The following SYT16 variants were observed in gnomAD, a reference collection of about 807,000 sequenced individuals.
SYT16 encodes the protein synaptotagmin 16.
Under a neutral mutation model 61.4 loss-of-function variants are expected in SYT16, and 42 were observed. The ratio of observed to expected loss-of-function variants is 0.68; its 90% CI spans 0.53 to 0.89. SYT16 has a LOEUF of 0.89. Among genes scored for constraint, SYT16 ranks in the 40% least tolerant of loss-of-function variants. SYT16 has a pLI of 0.00. For missense variants in SYT16, 804 were observed against 807.3 expected, an observed-to-expected ratio of 1.00 and a Z score of 0.05; for synonymous variants, 314 against 302.3, an observed-to-expected ratio of 1.04 and a Z score of -0.40.
chr14:62,035,843 A>T (rs1036888724), intron 3 of SYT16, among the ~76,000 whole-genome samples: 3 of 152,194 alleles, frequency 2.0e-5, no homozygotes, highest in African/African-American at 7.2e-5. Flanking sequence ...ATGGTGATAG[A>T]TGCTTTTCCA....
chr14:61,964,952 T>A (rs1195910701), intron 1 of SYT16, among the ~76,000 whole-genome samples: 1 of 152,152 alleles, frequency 6.6e-6, no homozygotes, highest in Non-Finnish European at 1.5e-5. Context: ...CATGGTTTTT[T>A]AAAGATATCC....
In SYT16 at chr14:62,080,899, C is replaced by T; in HGVS notation, c.1059C>T (p.Asp353=). The T allele has an allele frequency of 6.2e-7, 1 of 1,605,018 alleles. No individual in the cohort carries two copies. ...CAGAGCCCATCTCAAAGTGTGGTGA[C>T]CTAGATGTCATCTTTGAATATAGAG... ...GVSEPISKCG[D]LDVIFEYRAA... The change falls in exon 6 of 8, where the codon GAC becomes GAT. Residue 353 remains aspartate, a synonymous_variant. Coordinates refer to ENST00000683842, the MANE Select transcript of SYT16 (RefSeq NM_001367656.1).
intron 3 of SYT16, among the ~76,000 whole-genome samples, chr14:62,018,815 A>G (rs1012363247): frequency 6.6e-6 from 1 of 151,768 alleles, no homozygotes; most frequent in Admixed American, 6.6e-5. Context: ...TCCCCTTTCC[A>G]TGCCTTATGT....
Position 62,102,032 on chromosome 14 carries a change from G to C in SYT16, c.*1325G>C, listed in dbSNP as rs1258803035. ...ATTAATAAAAAAATAGGGAAAGAAT[G>C]TATGTACATTTAATCCCTGCGCTCA... On this transcript the variant is annotated 3_prime_UTR_variant, in exon 8 of 8. Coordinates refer to ENST00000683842, the MANE Select transcript of SYT16 (RefSeq NM_001367656.1). The C allele has an allele frequency of 1.3e-5, 2 of 152,214 alleles. No homozygotes were observed. Among genetic ancestry groups the C allele is most frequent in the Non-Finnish European group, 2.9e-5 (2 of 68,022 alleles). 9.4% of individuals were successfully genotyped at this position (152,214 alleles called of 1,614,324 possible).
intron 3 of SYT16, among the ~76,000 whole-genome samples, chr14:62,032,025 G>A (rs763059623): frequency 1.3e-5 from 2 of 152,158 alleles, no homozygotes; most frequent in Admixed American, 6.6e-5. Flanking sequence ...ATGGAGTACA[G>A]AATATCAGGT....
chr14:61,872,670 A>G (rs1055258216), intron 1 of SYT16, among the ~76,000 whole-genome samples: 1 of 152,174 alleles, frequency 6.6e-6, no homozygotes, highest in Non-Finnish European at 1.5e-5. Context: ...AACTGAGTAG[A>G]AAGGTGTTGG....
At chr14:61,830,154 G>C (rs1266408564) in intron 1 of SYT16, among the ~76,000 whole-genome samples, 2 of 152,102 alleles carry the variant, frequency 1.3e-5, no homozygotes, top group African/African-American at 4.8e-5. Flanking sequence ...ATAATTTCTT[G>C]GAGCATTTTT....
chr14:62,018,939 G>A (rs1173231233), intron 3 of SYT16, among the ~76,000 whole-genome samples: 1 of 152,178 alleles, frequency 6.6e-6, no homozygotes, highest in Non-Finnish European at 1.5e-5. Context: ...ATCTGCGCTT[G>A]CCTCATGGTG....
In SYT16 at chr14:62,102,885, G is replaced by A. The variant is rs947496118; in HGVS notation, c.*2178G>A. 3.9e-5 allele frequency: 6 copies of A among 152,116 alleles called. No individual in the cohort carries two copies. Among genetic ancestry groups the A allele is most frequent in the Admixed American group, 2.0e-4 (3 of 15,272 alleles). 9.4% of individuals were successfully genotyped at this position (152,116 alleles called of 1,614,324 possible). A position where few individuals can be genotyped will look rare whatever the true frequency, so the allele number is the denominator to read the frequency against. ...TAAGGTTTTCGGCTGGTGTAGTGAAGATATTTGTGTGCTTGATCTGCCTTC... is the reference window on the plus strand; with the variant it reads ...TAAGGTTTTCGGCTGGTGTAGTGAAAATATTTGTGTGCTTGATCTGCCTTC... On this transcript the variant is annotated 3_prime_UTR_variant, in exon 8 of 8. Coordinates refer to ENST00000683842, the MANE Select transcript of SYT16 (RefSeq NM_001367656.1).
In SYT16 at chr14:62,011,912, T is replaced by C. The variant is rs368628457; in HGVS notation, c.523+15370T>C. Reference sequence around the variant, plus strand: ...ACACACACACACACACACATATATATACACACACACACACATATATATATA... The same window carrying C: ...ACACACACACACACACACATATATACACACACACACACACATATATATATA... On this transcript the variant is annotated intron_variant, in intron 3 of 7. Coordinates refer to ENST00000683842, the MANE Select transcript of SYT16 (RefSeq NM_001367656.1). Among the ~76,000 whole-genome samples the C allele has an allele frequency of 3.8e-3, 314 of 83,664 alleles. 7 individuals carry two copies. The highest frequency in any genetic ancestry group is 0.014 in the African/African-American group (294 of 20,490). The allele number at this position is 83,664 out of a possible 152,430, so 54.9% of individuals were successfully genotyped here.
chr14:62,091,441 G>A (rs560224404), intron 7 of SYT16, among the ~76,000 whole-genome samples: 9 of 152,216 alleles, frequency 5.9e-5, no homozygotes, highest in African/African-American at 2.2e-4. Flanking sequence ...AGGCCTGCAT[G>A]GATTGCCTAA....
chr14:62,040,541 C>A (rs2054686903), intron 3 of SYT16, among the ~76,000 whole-genome samples: 1 of 152,024 alleles, frequency 6.6e-6, no homozygotes, highest in Non-Finnish European at 1.5e-5. Flanking sequence ...GTGATGAATT[C>A]TTTCTGTAAA....
rs563965481 is a variant in SYT16, at chr14:61,889,583, T to G, written c.-325+76773T>G. On this transcript the variant is annotated intron_variant, in intron 1 of 7. Transcript: ENST00000683842. The stretch of plus-strand genomic sequence containing the variant: ...TCCTGGTACTTCCCTCTGCTCGCTC[T>G]TGCTCCCTCTCTCTCTCTCTCTGTC... 1.2e-3 allele frequency among the ~76,000 whole-genome samples: 176 copies of G among 152,010 alleles called. 1 individual carries two copies. Among genetic ancestry groups the G allele is most frequent in the Non-Finnish European group, 1.8e-3 (125 of 67,934 alleles).
intron 1 of SYT16, among the ~76,000 whole-genome samples, chr14:61,905,865 C>G (rs551433022): frequency 2.8e-4 from 43 of 151,604 alleles, no homozygotes; most frequent in African/African-American, 8.7e-4. Flanking sequence ...TCCAGTGATT[C>G]TCCTGTATCA....
chr14:62,021,928 T>C (rs757422156), intron 3 of SYT16, among the ~76,000 whole-genome samples: 3 of 152,182 alleles, frequency 2.0e-5, no homozygotes, highest in Non-Finnish European at 4.4e-5. Context: ...GTATCTTGTC[T>C]CCCTTTGGAG....
chr14:61,879,913 C>T (rs1462909250), intron 1 of SYT16, among the ~76,000 whole-genome samples: 2 of 152,228 alleles, frequency 1.3e-5, no homozygotes, highest in African/African-American at 2.4e-5. Context: ...TGTCTTCTCT[C>T]GCCCCAGCTT....
At chr14:62,083,363 AT>A (rs1405144235) in intron 6 of SYT16, among the ~76,000 whole-genome samples, 10 of 152,262 alleles carry the variant, frequency 6.6e-5, no homozygotes, top group Admixed American at 3.9e-4. Context: ...GGGGGACAGG[AT>A]TGCCTGCCCC....
intron 2 of SYT16, among the ~76,000 whole-genome samples, chr14:61,994,380 CCTTCAACCAGCCTGGGCCTTTGTGTT>C (rs2052678771): frequency 6.6e-6 from 1 of 152,168 alleles, no homozygotes; most frequent in Admixed American, 6.5e-5. Context: ...AGGCCCTTTT[CCTTCAACCAGCCTGGGCCTTTGTGTT>C]CTTTATTAGC....
chr14:62,042,602 C>G (rs2054780181), intron 3 of SYT16, among the ~76,000 whole-genome samples: 1 of 152,216 alleles, frequency 6.6e-6, no homozygotes, highest in South Asian at 2.1e-4. Context: ...GCCCTGGGTA[C>G]TGTTCCTGCC....
Sources: allele counts gnomAD v4.1 joint callset (sites outside exome capture counted in the v4.1 genomes callset), GRCh38; gene constraint gnomAD v4.1.1; transcripts MANE v1.5; gene names NCBI Gene and HGNC (gene_info 2026-07-23, HGNC 2026-07-21).